The following CDH10 variants were observed in gnomAD, a reference collection of about 807,000 sequenced individuals.
CDH10 encodes the protein cadherin 10.
In CDH10, 30 loss-of-function variants were observed where a neutral mutation model predicts 73.1. The ratio of observed to expected loss-of-function variants is 0.41; its 90% CI spans 0.31 to 0.56. CDH10 has a LOEUF of 0.56. Among genes scored for constraint, CDH10 ranks in the 20% least tolerant of loss-of-function variants. CDH10 has a pLI of 0.27. For missense variants in CDH10, 815 were observed against 973.7 expected, an observed-to-expected ratio of 0.84 and a Z score of 2.17; for synonymous variants, 345 against 348.2, an observed-to-expected ratio of 0.99 and a Z score of 0.10.
chr5:24,512,323 C>A (rs911686421), intron 5 of CDH10, among the ~76,000 whole-genome samples: 1 of 151,934 alleles, frequency 6.6e-6, no homozygotes, highest in African/African-American at 2.4e-5. Context: ...TTTTTCATTG[C>A]GTAGATCTGC....
intron 5 of CDH10, among the ~76,000 whole-genome samples, chr5:24,533,813 CTAAT>C (rs1260612194): frequency 6.6e-6 from 1 of 151,864 alleles, no homozygotes; most frequent in Admixed American, 6.6e-5. Flanking sequence ...GAGCTGAAAC[CTAAT>C]TAATTGAAAA....
intron 1 of CDH10, among the ~76,000 whole-genome samples, chr5:24,601,145 G>A (rs948067186): frequency 1.3e-5 from 2 of 152,068 alleles, no homozygotes; most frequent in African/African-American, 4.8e-5. Context: ...GCCTCCAAAA[G>A]TATCATGGGC....
chr5:24,512,881 T>A lies in CDH10; in HGVS notation c.815-1367A>T, dbSNP rs531381726. ...CAGTCTTGCCTGAATATGTCTCTCC[T>A]ATATCATTTTGCATTTAGTCACTTC... is the stretch of plus-strand genomic sequence containing the variant. On this transcript the variant is annotated intron_variant, in intron 5 of 11. Transcript: ENST00000264463. Among the ~76,000 whole-genome samples, 3 of 127,404 alleles carry A rather than the reference T, an allele frequency of 2.4e-5. No homozygotes were observed. In the South Asian group the frequency reaches 8.5e-4, roughly 36 times the overall value. 83.6% of individuals were successfully genotyped at this position (127,404 alleles called of 152,430 possible).
At chr5:24,599,179 T>C (rs968124296) in intron 1 of CDH10, among the ~76,000 whole-genome samples, 3 of 152,182 alleles carry the variant, frequency 2.0e-5, no homozygotes, top group African/African-American at 7.2e-5. Flanking sequence ...AGTCTCATTT[T>C]ACTGTAGCTA....
At chr5:24,502,209 A>T (rs1742527256) in intron 8 of CDH10, among the ~76,000 whole-genome samples, 1 of 152,166 alleles carries the variant, frequency 6.6e-6, no homozygotes, top group African/African-American at 2.4e-5. Context: ...GGCGTGAGCC[A>T]CCGCGCCTGG....
At chr5:24,590,587 G>A (rs1271714029) in intron 2 of CDH10, among the ~76,000 whole-genome samples, 2 of 151,984 alleles carry the variant, frequency 1.3e-5, no homozygotes, top group East Asian at 3.9e-4. Flanking sequence ...TTAACCCAAT[G>A]AGCAGTAATG....
At chr5:24,606,344 C>T (rs1332794150) in intron 1 of CDH10, among the ~76,000 whole-genome samples, 5 of 152,180 alleles carry the variant, frequency 3.3e-5, no homozygotes, top group Non-Finnish European at 7.4e-5. Context: ...GGCGCAGTGG[C>T]TCACACCTGT....
chr5:24,637,933 A>G (rs952137955), intron 1 of CDH10, among the ~76,000 whole-genome samples: 3 of 151,696 alleles, frequency 2.0e-5, no homozygotes, highest in African/African-American at 4.8e-5. Flanking sequence ...TCTTCGACCT[A>G]CCTAGAAACA....
At chr5:24,492,976 A>G in intron 9 of CDH10, 51 bp from the exon 10 acceptor site, 1 of 762,432 alleles carries the variant, frequency 1.3e-6, no homozygotes, top group Non-Finnish European at 2.4e-6. Flanking sequence ...ATCCATGGGT[A>G]TAATCTGCAC....
chr5:24,501,787 T>G (rs1742506347), intron 8 of CDH10, among the ~76,000 whole-genome samples: 1 of 152,196 alleles, frequency 6.6e-6, no homozygotes, highest in South Asian at 2.1e-4. Context: ...CAGAATGTAT[T>G]GCAATGATTA....
Position 24,509,734 on chromosome 5 carries a change from C to G in CDH10, c.1088G>C (p.Gly363Ala), listed in dbSNP as rs750454682. 1 of 1,612,892 alleles carries G rather than the reference C, an allele frequency of 6.2e-7. No homozygotes were observed. ...CACTATGGTAGTATCTTTAAATGGT[C>G]CTAGGTAATAAAAACGGGGATCTAC... ...THVDPRFYYL[G>A]PFKDTTIVKI... The change falls in exon 7 of 12, where the codon GGA becomes GCA. Residue 363 changes from glycine (G) to alanine (A), a missense_variant. Coordinates refer to ENST00000264463, the MANE Select transcript of CDH10 (RefSeq NM_006727.5).
At chr5:24,634,652 G>A (rs77946031) in intron 1 of CDH10, among the ~76,000 whole-genome samples, 2,892 of 151,686 alleles carry the variant, frequency 0.019, 112 homozygotes, top group African/African-American at 0.066. Flanking sequence ...TGGCAAATAC[G>A]AGCATTATCT....
At chr5:24,586,707 A>AGT (rs1212288237) in intron 2 of CDH10, among the ~76,000 whole-genome samples, 6 of 151,348 alleles carry the variant, frequency 4.0e-5, no homozygotes, top group Admixed American at 3.9e-4. Context: ...GACCTCCCAA[A>AGT]GTGCTGGGAT....
At chr5:24,597,196 C>T (rs959694902) in intron 1 of CDH10, among the ~76,000 whole-genome samples, 1 of 152,044 alleles carries the variant, frequency 6.6e-6, no homozygotes, top group African/African-American at 2.4e-5. Context: ...TAGACCAGTG[C>T]TCCTCCACTT....
intron 2 of CDH10, among the ~76,000 whole-genome samples, chr5:24,569,501 A>G (rs909202683): frequency 2.0e-5 from 3 of 152,164 alleles, no homozygotes; most frequent in African/African-American, 7.2e-5. Context: ...TAAATGCTAC[A>G]TATGTATGCA....
At chr5:24,612,295 A>G (rs982025338) in intron 1 of CDH10, 3 of 152,240 alleles carry the variant, frequency 2.0e-5, no homozygotes, top group Non-Finnish European at 4.4e-5. Flanking sequence ...CACTGGAAGT[A>G]AGAATAGTTC....
At chr5:24,535,658 C>T (rs766594935) in intron 4 of CDH10, 45 bp downstream of exon 4, 1 of 1,569,012 alleles carries the variant, frequency 6.4e-7, no homozygotes, top group Non-Finnish European at 8.7e-7. Context: ...TGATAAAGGT[C>T]ATAAAGATGA....
chr5:24,605,218 T>C (rs1746717329), intron 1 of CDH10, among the ~76,000 whole-genome samples: 1 of 151,996 alleles, frequency 6.6e-6, no homozygotes, highest in Admixed American at 6.5e-5. Flanking sequence ...CATTACCAAG[T>C]GTTGGAAAGG....
chr5:24,528,829 T>C (rs1026196096), intron 5 of CDH10, among the ~76,000 whole-genome samples: 1 of 152,036 alleles, frequency 6.6e-6, no homozygotes, highest in Non-Finnish European at 1.5e-5. Context: ...CTAGGTGTAG[T>C]GCTTTGAAGC....
Sources: allele counts gnomAD v4.1 joint callset (sites outside exome capture counted in the v4.1 genomes callset), GRCh38; gene constraint gnomAD v4.1.1; transcripts MANE v1.5; gene names NCBI Gene and HGNC (gene_info 2026-07-23, HGNC 2026-07-21).